Variants in PLCE1 observed in about 807,000 individuals in gnomAD.
PLCE1 encodes phospholipase C epsilon 1.
A neutral mutation model predicts 242.8 loss-of-function variants in PLCE1; 119 were observed. That is an observed-to-expected ratio of 0.49 (90% CI 0.42 to 0.57). The LOEUF is 0.57. Among genes scored for constraint, PLCE1 ranks in the 20% least tolerant of loss-of-function variants. The probability of loss-of-function intolerance (pLI) is 0.00; values close to 1 mark genes in which losing one functional copy is unlikely to be tolerated. For synonymous variants in PLCE1, 945 were observed against 1,017.4 expected, an observed-to-expected ratio of 0.93 and a Z score of 1.35; for missense variants, 2,441 against 2,788.8, an observed-to-expected ratio of 0.88 and a Z score of 2.81.
intron 28 of PLCE1, among the ~76,000 whole-genome samples, chr10:94,313,827 T>TA (rs1276722660): frequency 6.6e-6 from 1 of 152,174 alleles, no homozygotes; most frequent in African/African-American, 2.4e-5. Context: ...ATCAAATTCT[T>TA]AGAGCTTCAG....
intron 2 of PLCE1, among the ~76,000 whole-genome samples, chr10:94,090,294 C>T (rs2045012799): frequency 6.6e-6 from 1 of 152,212 alleles, no homozygotes; most frequent in South Asian, 2.1e-4. Context: ...GAAGACTACT[C>T]TTGAAATGGC....
chr10:94,132,484 A>G (rs1317512976), intron 3 of PLCE1, 25 bp downstream of exon 3: 2 of 1,606,444 alleles, frequency 1.2e-6, no homozygotes, highest in African/African-American at 1.3e-5. Context: ...TTCACTTTTA[A>G]CTTTCTATCT....
At chr10:94,215,428 G>A (rs2049486743) in intron 4 of PLCE1, among the ~76,000 whole-genome samples, 1 of 152,226 alleles carries the variant, frequency 6.6e-6, no homozygotes, top group South Asian at 2.1e-4. Context: ...AGTCCAGGGG[G>A]ATAGTGGTCA....
chr10:94,093,934 C>CTTTTTTTTTTTTT (rs398046178), intron 2 of PLCE1, among the ~76,000 whole-genome samples: 2 of 79,186 alleles, frequency 2.5e-5, no homozygotes, highest in East Asian at 4.4e-4. Flanking sequence ...ATCGGTATTT[C>CTTTTTTTTTTTTT]TTTTTTTTTT....
intron 4 of PLCE1, among the ~76,000 whole-genome samples, chr10:94,217,945 T>C (rs969145346): frequency 1.3e-5 from 2 of 152,138 alleles, no homozygotes; most frequent in African/African-American, 4.8e-5. Context: ...CTTACTTTTT[T>C]TTTTTTTAGT....
At chr10:94,210,850 A>G (rs2049309105) in intron 4 of PLCE1, among the ~76,000 whole-genome samples, 1 of 152,114 alleles carries the variant, frequency 6.6e-6, no homozygotes, top group African/African-American at 2.4e-5. Flanking sequence ...CAATGGCACC[A>G]TTATTTCTCC....
rs1263889624 is a variant in PLCE1, at chr10:94,329,198, T to C, written c.*1255T>C. ...CTATTGATCCAAGTCATACTTGCCA[T>C]TTAATGTAAATTATTTTTAAACTTT... On this transcript the variant is annotated 3_prime_UTR_variant, in exon 33 of 33. Transcript: ENST00000371380. The C allele has an allele frequency of 6.6e-6, 1 of 152,226 alleles. No individual in the cohort carries two copies. The highest frequency in any genetic ancestry group is 2.4e-5 in the African/African-American group (1 of 41,456). 9.4% of individuals were successfully genotyped at this position (152,226 alleles called of 1,614,324 possible). A position where few individuals can be genotyped will look rare whatever the true frequency, so the allele number is the denominator to read the frequency against.
chr10:94,288,463 G>C (rs1405020198), intron 22 of PLCE1, among the ~76,000 whole-genome samples: 17 of 152,142 alleles, frequency 1.1e-4, no homozygotes, highest in Admixed American at 1.1e-3. Flanking sequence ...TAGAATCCTT[G>C]TTTACTACAC....
rs11187832 is a variant in PLCE1 at position 94,245,709 on chromosome 10, T to A, written c.2421-237T>A. Among the ~76,000 whole-genome samples the A allele has an allele frequency of 0.66, 99,619 of 152,088 alleles. 32,921 individuals carry two copies. The highest frequency in any genetic ancestry group is 0.92 in the East Asian group (4,784 of 5,174). Reference sequence around the variant, plus strand: ...ACCATGTTGGCCAGGCTGGTCTTGATCTACTGGACTCAAGTGGTCCACCCT... The same window carrying A: ...ACCATGTTGGCCAGGCTGGTCTTGAACTACTGGACTCAAGTGGTCCACCCT... On this transcript the variant is annotated intron_variant, in intron 7 of 32. Coordinates refer to ENST00000371380, the MANE Select transcript of PLCE1 (RefSeq NM_016341.4).
intron 22 of PLCE1, among the ~76,000 whole-genome samples, chr10:94,287,837 A>G (rs150728480): frequency 6.6e-6 from 1 of 151,910 alleles, no homozygotes; most frequent in East Asian, 1.9e-4. Context: ...AGGCACCTAC[A>G]TACACTGCCG....
At chr10:94,075,915 T>G (rs2044484906) in intron 2 of PLCE1, among the ~76,000 whole-genome samples, 1 of 152,216 alleles carries the variant, frequency 6.6e-6, no homozygotes, top group Non-Finnish European at 1.5e-5. Flanking sequence ...TTCCTATGCA[T>G]CAAGTACCAT....
chr10:94,258,881 C>T lies in PLCE1; in HGVS notation c.3636C>T (p.Asn1212=), dbSNP rs1442053896. The change falls in exon 12 of 33, where the codon AAC becomes AAT. Residue 1212 remains asparagine (N), a synonymous_variant. Coordinates refer to ENST00000371380, the MANE Select transcript of PLCE1 (RefSeq NM_016341.4). ...AGAGCTTCATGGTTTCAGATAGCAACATGAGTTTTGTTGAATTTGTTGAGC... is the reference window on the plus strand; with the variant it reads ...AGAGCTTCATGGTTTCAGATAGCAATATGAGTTTTGTTGAATTTGTTGAGC... ...GFQSFMVSDS[N]MSFVEFVELF... The T allele has an allele frequency of 6.2e-7, 1 of 1,614,008 alleles. No homozygotes were observed. The highest frequency in any genetic ancestry group is 8.5e-7 in the Non-Finnish European group (1 of 1,179,988).
At chr10:94,015,998 A>G (rs2061271757) in intron 1 of PLCE1, among the ~76,000 whole-genome samples, 1 of 152,186 alleles carries the variant, frequency 6.6e-6, no homozygotes, top group Non-Finnish European at 1.5e-5. Context: ...CCGTTGGTTG[A>G]TCAGCTTTTG....
At chr10:94,120,082 T>C (rs1321629224) in intron 2 of PLCE1, among the ~76,000 whole-genome samples, 1 of 152,098 alleles carries the variant, frequency 6.6e-6, no homozygotes, top group African/African-American at 2.4e-5. Context: ...GCCCAGGATT[T>C]TCCCCACTAG....
intron 1 of PLCE1, among the ~76,000 whole-genome samples, chr10:94,020,062 T>G (rs565944073): frequency 6.6e-6 from 1 of 152,352 alleles, no homozygotes; most frequent in East Asian, 1.9e-4. Flanking sequence ...AAGTATATGC[T>G]TAACTTTATA....
intron 2 of PLCE1, among the ~76,000 whole-genome samples, chr10:94,130,760 G>A (rs917855028): frequency 2.0e-5 from 3 of 152,142 alleles, no homozygotes; most frequent in African/African-American, 4.8e-5. Context: ...TCTAGTTAGG[G>A]TCTACACAGT....
At chr10:94,145,361 C>T (rs542442174) in intron 3 of PLCE1, among the ~76,000 whole-genome samples, 4 of 152,228 alleles carry the variant, frequency 2.6e-5, no homozygotes. Context: ...GAATTAAAAA[C>T]CTGTTCCCTC....
In PLCE1 at chr10:94,315,324, G is replaced by GAGAA. The variant is rs2053529467; in HGVS notation, c.6133-1222_6133-1219dup. On this transcript the variant is annotated intron_variant, in intron 28 of 32. Transcript: ENST00000371380. ...TTTGCCTTATTGGCAGGGGCCTGAG[G>GAGAA]AGAAGGGTGTTTGCTTAATCCAGAC... 3 of 446,188 alleles carry GAGAA rather than the reference G, an allele frequency of 6.7e-6. No homozygotes were observed. In the Admixed American group the frequency reaches 7.2e-5, roughly 11 times the overall value. The allele number at this position is 446,188 out of a possible 1,614,324, so 27.6% of individuals were successfully genotyped here.
chr10:94,062,313 T>A (rs2134978468), intron 2 of PLCE1, among the ~76,000 whole-genome samples: 1 of 152,206 alleles, frequency 6.6e-6, no homozygotes, highest in African/African-American at 2.4e-5. Context: ...TGAGATCTCA[T>A]GAAGTTGCCC....
Sources: gnomAD v4.1 joint callset for allele counts (sites outside exome capture counted in the v4.1 genomes callset) on GRCh38, gnomAD v4.1.1 for gene constraint, MANE v1.5 for transcripts, NCBI Gene and HGNC (gene_info 2026-07-23, HGNC 2026-07-21) for gene names.